Variants in NEO1 observed in about 807,000 individuals in gnomAD.
The protein encoded by NEO1 is neogenin.
Under a neutral mutation model 159.7 loss-of-function variants are expected in NEO1, and 63 were observed. The ratio of observed to expected loss-of-function variants is 0.39; its 90% CI spans 0.32 to 0.49. The LOEUF is 0.49. Among genes scored for constraint, NEO1 ranks in the 20% least tolerant of loss-of-function variants. The pLI is 0.85. For synonymous variants in NEO1, 633 were observed against 662.0 expected (o/e 0.96, Z 0.67); for missense variants, 1,615 against 1,831.0 (o/e 0.88, Z 2.15).
intron 15 of NEO1, 107 bp from the exon 16 acceptor site, chr15:73,266,209 A>T: frequency 1.3e-6 from 1 of 785,786 alleles, no homozygotes; most frequent in East Asian, 2.6e-5. Context: ...AAATTTTTAA[A>T]GTTGTCTTTC....
At chr15:73,258,106 T>C (rs1236348066) in intron 13 of NEO1, among the ~76,000 whole-genome samples, 1 of 152,250 alleles carries the variant, frequency 6.6e-6, no homozygotes, top group South Asian at 2.1e-4. Context: ...GACTTTTCTA[T>C]GTGCATGTTT....
intron 26 of NEO1, among the ~76,000 whole-genome samples, chr15:73,294,436 G>A (rs2042277321): frequency 6.6e-6 from 1 of 152,122 alleles, no homozygotes; most frequent in Non-Finnish European, 1.5e-5. Flanking sequence ...GGGGAATAAG[G>A]GAATTTCAAG....
At chr15:73,158,177 T>C (rs899536505) in intron 5 of NEO1, among the ~76,000 whole-genome samples, 1 of 146,030 alleles carries the variant, frequency 6.8e-6, no homozygotes, top group African/African-American at 2.5e-5. Context: ...ATCGTCCTGC[T>C]GCACTCCAGC....
At chr15:73,101,272 G>A (rs2151509023) in intron 1 of NEO1, among the ~76,000 whole-genome samples, 1 of 152,264 alleles carries the variant, frequency 6.6e-6, no homozygotes, top group South Asian at 2.1e-4. Context: ...GATTTTCCAG[G>A]TTTCTGTTAT....
At chr15:73,237,044 T>A (rs902801262) in intron 8 of NEO1, among the ~76,000 whole-genome samples, 1 of 152,332 alleles carries the variant, frequency 6.6e-6, no homozygotes, top group East Asian at 1.9e-4. Flanking sequence ...CTGGCTTCAC[T>A]TTATCTGTCC....
chr15:73,253,794 A>G (rs147864578), intron 12 of NEO1, among the ~76,000 whole-genome samples: 101 of 152,354 alleles, frequency 6.6e-4, no homozygotes, highest in Middle Eastern at 3.4e-3. Context: ...CTAGATGTTA[A>G]CTGTTCAGAA....
At chr15:73,281,004 G>A (rs1267385517) in intron 22 of NEO1, among the ~76,000 whole-genome samples, 2 of 151,602 alleles carry the variant, frequency 1.3e-5, no homozygotes, top group African/African-American at 2.4e-5. Flanking sequence ...AGGAGATCGA[G>A]ACCATCCTGG....
At chr15:73,194,867 A>T (rs749961858) in intron 7 of NEO1, among the ~76,000 whole-genome samples, 1 of 152,224 alleles carries the variant, frequency 6.6e-6, no homozygotes, top group Non-Finnish European at 1.5e-5. Context: ...GATTTTCTGT[A>T]TAAGTGTAAG....
At chr15:73,106,539 T>G (rs2070702756) in intron 1 of NEO1, among the ~76,000 whole-genome samples, 1 of 152,208 alleles carries the variant, frequency 6.6e-6, no homozygotes. Flanking sequence ...ACTTAAAATC[T>G]TAATTTAGAT....
chr15:73,277,879 G>C (rs892946377), intron 21 of NEO1, among the ~76,000 whole-genome samples: 5 of 152,160 alleles, frequency 3.3e-5, no homozygotes, highest in African/African-American at 1.2e-4. Flanking sequence ...CTTCTAAACA[G>C]CAGTGACAGT....
At position 73,122,740 on chromosome 15, in the gene NEO1, G is replaced by C. The variant is rs142363521; in HGVS notation, c.664G>C (p.Val222Leu). The C allele has an allele frequency of 6.8e-6, 11 of 1,614,182 alleles. No homozygotes were observed. The highest frequency in any genetic ancestry group is 9.3e-6 in the Non-Finnish European group (11 of 1,180,024). ...TEGDGGLYRC[V>L]VESGGPPKYS... ...AGGAGATGGCGGGCTTTATCGCTGC[G>C]TAGTGGAAAGTGGTGGGCCACCAAA... Residue 222 changes from valine (V) to leucine (L), a missense_variant, in exon 3 of 29, where the codon GTA (valine) becomes CTA (leucine). Physicochemically the swap from Val to Leu is conservative, Grantham distance 32 (BLOSUM62 1). Around this residue, in one of 3 missense-constraint regions of NEO1, gnomAD observed 1,018 missense variants for 1,115.4 expected, o/e 0.91. Transcript: ENST00000261908.
intron 1 of NEO1, among the ~76,000 whole-genome samples, chr15:73,057,933 A>C (rs549670491): frequency 1.3e-5 from 2 of 152,320 alleles, no homozygotes; most frequent in East Asian, 3.9e-4. Context: ...ATAGAATAAA[A>C]GATTTTATCA....
chr15:73,222,091 A>AGTTTTTT (rs2038315712), intron 7 of NEO1: 1 of 53,046 alleles, frequency 1.9e-5, no homozygotes, highest in Non-Finnish European at 3.3e-5. Context: ...CCTGTTGGTA[A>AGTTTTTT]TTTTTTTTTT....
At chr15:73,139,007 T>C (rs73440071) in intron 5 of NEO1, among the ~76,000 whole-genome samples, 1 of 152,208 alleles carries the variant, frequency 6.6e-6, no homozygotes, top group African/African-American at 2.4e-5. Context: ...GAAAAAGCAG[T>C]GCGGATTTTT....
chr15:73,280,113 G>A (rs1261125592), intron 22 of NEO1, among the ~76,000 whole-genome samples: 1 of 152,064 alleles, frequency 6.6e-6, no homozygotes, highest in Admixed American at 6.6e-5. Context: ...ATAAAGTCAG[G>A]CAAGAGGGGT....
chr15:73,061,235 A>G (rs1412291799), intron 1 of NEO1, among the ~76,000 whole-genome samples: 1 of 152,216 alleles, frequency 6.6e-6, no homozygotes, highest in Non-Finnish European at 1.5e-5. Flanking sequence ...AAAGATACTT[A>G]AAATAAGCGT....
At chr15:73,123,925 C>T (rs2151666664) in intron 3 of NEO1, among the ~76,000 whole-genome samples, 1 of 152,182 alleles carries the variant, frequency 6.6e-6, no homozygotes, top group Middle Eastern at 3.4e-3. Flanking sequence ...TCCTAATAGC[C>T]CTTCAACTCA....
At chr15:73,110,964 A>G (rs1035569000) in intron 1 of NEO1, among the ~76,000 whole-genome samples, 2 of 152,156 alleles carry the variant, frequency 1.3e-5, no homozygotes, top group Non-Finnish European at 2.9e-5. Context: ...GTTCTCCACC[A>G]CCACCAACAA....
intron 9 of NEO1, among the ~76,000 whole-genome samples, chr15:73,248,855 T>TG: frequency 6.6e-6 from 1 of 152,196 alleles, no homozygotes; most frequent in South Asian, 2.1e-4. Context: ...AAGGAAAGTT[T>TG]TTCAGTGTAA....
Sources: allele counts gnomAD v4.1 joint callset (sites outside exome capture counted in the v4.1 genomes callset), GRCh38; gene constraint gnomAD v4.1.1; regional missense constraint gnomAD v4.1.1; transcripts MANE v1.5; gene names NCBI Gene and HGNC (gene_info 2026-07-23, HGNC 2026-07-21).